Variants in SLAIN1 observed in about 807,000 individuals in gnomAD.
The protein encoded by SLAIN1 is SLAIN family member 1.
SLAIN1 carries 17 observed loss-of-function variants against 55.4 expected under a neutral mutation model. The observed-to-expected ratio is 0.31, with a 90% CI of 0.21 to 0.46. The LOEUF (loss-of-function observed/expected upper bound fraction) is 0.46, where lower values mean the gene tolerates loss of function less well. Ranked by LOEUF, SLAIN1 falls within the 20% of genes least tolerant of loss-of-function variation. The pLI is 1.00. For synonymous variants in SLAIN1, 348 were observed against 337.4 expected (o/e 1.03, Z -0.35); for missense variants, 682 against 785.1 (o/e 0.87, Z 1.57).
rs773386357 is a variant in SLAIN1 at position 77,764,210 on chromosome 13, TAAAG to T, written c.*992_*995del. 1 of 152,636 alleles carries T rather than the reference TAAAG, an allele frequency of 6.6e-6. No individual in the cohort carries two copies. The highest frequency in any genetic ancestry group is 6.5e-5 in the Admixed American group (1 of 15,286). The allele number at this position is 152,636 out of a possible 1,614,324, so 9.5% of individuals were successfully genotyped here. On this transcript the variant is annotated 3_prime_UTR_variant, in exon 7 of 7. Transcript: ENST00000418532. ...ACTGCTGTTTTGGAATGTTCAGAAA[TAAAG>T]ACTCTATTTCAGCAATATCAGGTCA... is the stretch of plus-strand genomic sequence containing the variant.
intron 4 of SLAIN1, 45 bp downstream of exon 4, chr13:77,746,900 T>A (rs1483083515): frequency 6.8e-7 from 1 of 1,474,788 alleles, no homozygotes; most frequent in Non-Finnish European, 9.2e-7. Flanking sequence ...TTAATTTTTT[T>A]ATATGTGGTC....
At chr13:77,747,014 C>T (rs1011594792) in intron 4 of SLAIN1, among the ~76,000 whole-genome samples, 159 bp downstream of exon 4, 4 of 152,176 alleles carry the variant, frequency 2.6e-5, no homozygotes, top group African/African-American at 9.7e-5. Flanking sequence ...GCAACCTCCA[C>T]CTCCTAGGTT....
At chr13:77,735,207 C>T (rs1215906629) in intron 2 of SLAIN1, among the ~76,000 whole-genome samples, 1 of 151,962 alleles carries the variant, frequency 6.6e-6, no homozygotes, top group Non-Finnish European at 1.5e-5. Flanking sequence ...CATATGAGAA[C>T]ACTGCAACAT....
chr13:77,700,797 A>G (rs1007375439), intron 1 of SLAIN1, among the ~76,000 whole-genome samples: 3 of 152,140 alleles, frequency 2.0e-5, no homozygotes, highest in Non-Finnish European at 2.9e-5. Flanking sequence ...TGGAGTGGGT[A>G]TATAGTACCT....
chr13:77,735,998 ACT>A (rs923229975), intron 2 of SLAIN1, among the ~76,000 whole-genome samples: 131 of 152,008 alleles, frequency 8.6e-4, no homozygotes, highest in Non-Finnish European at 5.9e-4. Context: ...TCACACAGCC[ACT>A]CTCAACCTGA....
intron 5 of SLAIN1, among the ~76,000 whole-genome samples, chr13:77,757,495 TTA>T (rs949643352): frequency 7.2e-5 from 11 of 151,992 alleles, no homozygotes; most frequent in Admixed American, 2.0e-4. Flanking sequence ...CATGGATAAG[TTA>T]TTTAGTGGTG....
At position 77,729,909 on chromosome 13, in the gene SLAIN1, G is replaced by A. The variant is rs988613831; in HGVS notation, c.766+10238G>A. ...GAGTTAAGCCAGTAACTCTGTGTGT[G>A]TGTGTGTGTGTCCGTGTGTCCATCT... On this transcript the variant is annotated intron_variant, in intron 2 of 6. Coordinates refer to ENST00000418532, the MANE Select transcript of SLAIN1 (RefSeq NM_001242868.2). 4.6e-5 allele frequency among the ~76,000 whole-genome samples: 7 copies of A among 152,048 alleles called. 1 individual carries two copies. Among genetic ancestry groups the A allele is most frequent in the African/African-American group, 1.7e-4 (7 of 41,388 alleles).
Position 77,760,851 on chromosome 13 carries a change from C to T in SLAIN1, c.1438C>T (p.His480Tyr). ...SCIPSPGQLQ[H>Y]RVHSVGHFPV... ...AGTTCCATCACCGGGACAGCTTCAACACAGGGTCCACAGCGTGGGGCATTT... is the reference window on the plus strand; with the variant it reads ...AGTTCCATCACCGGGACAGCTTCAATACAGGGTCCACAGCGTGGGGCATTT... The change falls in exon 6 of 7, where the codon CAC becomes TAC. Residue 480 changes from histidine to tyrosine, a missense_variant. Transcript: ENST00000418532. 1 of 1,613,906 alleles carries T rather than the reference C, an allele frequency of 6.2e-7. No individual in the cohort carries two copies. The highest frequency in any genetic ancestry group is 1.7e-4 in the Middle Eastern group (1 of 5,860).
At chr13:77,721,403 T>C (rs991193112) in intron 2 of SLAIN1, among the ~76,000 whole-genome samples, 3 of 152,176 alleles carry the variant, frequency 2.0e-5, no homozygotes, top group Non-Finnish European at 4.4e-5. Context: ...GAGAACAGAC[T>C]AATACACAAA....
intron 1 of SLAIN1, among the ~76,000 whole-genome samples, chr13:77,712,351 G>A (rs1370125157): frequency 1.3e-5 from 2 of 152,148 alleles, no homozygotes; most frequent in Non-Finnish European, 2.9e-5. Context: ...ACCTTAAGCT[G>A]ATAAGCAACT....
Position 77,746,510 on chromosome 13 carries a change from A to T in SLAIN1, c.917-4A>T, listed in dbSNP as rs777594903. On this transcript the variant is annotated splice_region_variant and splice_polypyrimidine_tract_variant and intron_variant, in intron 3 of 6. Transcript: ENST00000418532. ...ACATTAGAGTACTATTTGTTATTTT[A>T]TAGGTCTCAGGCAAGATTATGCTTC... The T allele has an allele frequency of 1.4e-5, 23 of 1,591,278 alleles. No homozygotes were observed. Among genetic ancestry groups the T allele is most frequent in the Non-Finnish European group, 1.8e-5 (21 of 1,165,106 alleles).
At chr13:77,709,569 T>G (rs1279459740) in intron 1 of SLAIN1, among the ~76,000 whole-genome samples, 1 of 152,178 alleles carries the variant, frequency 6.6e-6, no homozygotes, top group Non-Finnish European at 1.5e-5. Context: ...GTAGAAACCC[T>G]ACAAGCCAGA....
intron 4 of SLAIN1, among the ~76,000 whole-genome samples, chr13:77,751,172 G>T (rs1046570995): frequency 6.6e-6 from 1 of 152,030 alleles, no homozygotes; most frequent in Non-Finnish European, 1.5e-5. Context: ...TCTGATATGT[G>T]CACTTTAGTG....
chr13:77,752,288 C>CTTTTTTTT (rs79381085), intron 4 of SLAIN1, among the ~76,000 whole-genome samples: 2 of 94,206 alleles, frequency 2.1e-5, no homozygotes, highest in South Asian at 3.4e-4. Flanking sequence ...TTCTAGGGTT[C>CTTTTTTTT]TTTTTTTTTT....
Position 77,698,418 on chromosome 13 carries a change from G to A in SLAIN1, c.505G>A (p.Ala169Thr). ...CGGTGGCGGGCCGGAGCCGGGGGGCGCGGGGACGCCGCCAGGGGCAGCTGC... is the reference window on the plus strand; with the variant it reads ...CGGTGGCGGGCCGGAGCCGGGGGGCACGGGGACGCCGCCAGGGGCAGCTGC... ...AGGGGPEPGG[A>T]GTPPGAAAAP... is the part of the protein sequence containing the mutation. The change falls in exon 1 of 7, where the codon GCG (alanine) becomes ACG (threonine). Residue 169 changes from alanine (A) to threonine (T), a missense_variant. By Grantham distance (58) the Ala-to-Thr change is moderately conservative (BLOSUM62 0). Transcript: ENST00000418532. The surrounding 1 kb of genome is among the most constrained non-coding windows in gnomAD (Gnocchi z 4.1). 7.2e-7 allele frequency: 1 copy of A among 1,394,120 alleles called. No homozygotes were observed. 86.4% of individuals were successfully genotyped at this position (1,394,120 alleles called of 1,614,324 possible). A position where few individuals can be genotyped will look rare whatever the true frequency, so the allele number is the denominator to read the frequency against.
Position 77,746,728 on chromosome 13 carries a change from C to T in SLAIN1, c.1131C>T (p.Phe377=). The T allele has an allele frequency of 6.2e-7, 1 of 1,613,878 alleles. No individual in the cohort carries two copies. The highest frequency in any genetic ancestry group is 8.5e-7 in the Non-Finnish European group (1 of 1,179,848). The change falls in exon 4 of 7, where the codon TTC becomes TTT. Residue 377 remains phenylalanine, a synonymous_variant. Coordinates refer to ENST00000418532, the MANE Select transcript of SLAIN1 (RefSeq NM_001242868.2). ...FQRGIPHSQT[F]SSIRECRRSP... ...GAGGAATTCCCCATTCACAGACTTT[C>T]TCCAGCATTCGGGAGTGTAGGAGGA...
chr13:77,758,613 G>A (rs2154410995), intron 5 of SLAIN1, among the ~76,000 whole-genome samples: 1 of 152,190 alleles, frequency 6.6e-6, no homozygotes, highest in Non-Finnish European at 1.5e-5. Context: ...TAAGGTGAGA[G>A]GTAGGTATTC....
At chr13:77,721,581 G>A (rs1246608697) in intron 2 of SLAIN1, among the ~76,000 whole-genome samples, 5 of 151,866 alleles carry the variant, frequency 3.3e-5, no homozygotes, top group African/African-American at 7.3e-5. Flanking sequence ...CTTTATCTCA[G>A]GGGTCAACAA....
At chr13:77,710,003 C>G (rs1018206759) in intron 1 of SLAIN1, among the ~76,000 whole-genome samples, 3 of 152,010 alleles carry the variant, frequency 2.0e-5, no homozygotes, top group Non-Finnish European at 4.4e-5. Flanking sequence ...AACTCCTGAC[C>G]TCAGATGATC....
Sources: gnomAD v4.1 joint callset for allele counts (sites outside exome capture counted in the v4.1 genomes callset) on GRCh38, gnomAD v4.1.1 for gene constraint, Gnocchi (gnomAD v3.1) non-coding constraint, MANE v1.5 for transcripts, NCBI Gene and HGNC (gene_info 2026-07-23, HGNC 2026-07-21) for gene names.